STIP1: variants seen among roughly 807,000 people sequenced by gnomAD.
The protein encoded by STIP1 is stress-induced-phosphoprotein 1.
Under a neutral mutation model 77.4 loss-of-function variants are expected in STIP1, and 16 were observed. The observed-to-expected ratio is 0.21, with a 90% CI of 0.14 to 0.31. The LOEUF (loss-of-function observed/expected upper bound fraction) is 0.31, where lower values mean the gene tolerates loss of function less well. STIP1 is among the 10% of genes least tolerant of loss of function. The pLI, the probability that STIP1 is intolerant of heterozygous loss-of-function variation, is 1.00. For missense variants in STIP1, 524 were observed against 684.8 expected (o/e 0.77, Z 2.62); for synonymous variants, 258 against 246.6 (o/e 1.05, Z -0.44).
chr11:64,194,907 A>G (rs557437545), intron 4 of STIP1, among the ~76,000 whole-genome samples: 14 of 152,148 alleles, frequency 9.2e-5, no homozygotes, highest in African/African-American at 3.1e-4. Flanking sequence ...CTTAGGCCCT[A>G]CTTTCTCTGT....
intron 5 of STIP1, 27 bp downstream of exon 5, chr11:64,195,840 C>CA (rs753369784): frequency 1.2e-6 from 2 of 1,613,736 alleles, no homozygotes. Context: ...TCCTCACTGT[C>CA]ACCTATCTAT....
intron 10 of STIP1, among the ~76,000 whole-genome samples, chr11:64,200,532 G>GGT (rs759585589): frequency 1.6e-4 from 24 of 150,624 alleles, no homozygotes; most frequent in Middle Eastern, 3.2e-3. Context: ...GATTTATAGG[G>GGT]GTGTGTGTGT....
intron 4 of STIP1, among the ~76,000 whole-genome samples, chr11:64,194,976 G>A (rs916258952): frequency 1.3e-5 from 2 of 152,110 alleles, no homozygotes; most frequent in South Asian, 2.1e-4. Context: ...TCTAAATCTT[G>A]TACTGGTATT....
At chr11:64,187,693 G>A (rs1033254180) in intron 1 of STIP1, among the ~76,000 whole-genome samples, 1 of 152,186 alleles carries the variant, frequency 6.6e-6, no homozygotes, top group African/African-American at 2.4e-5. Flanking sequence ...ATAAGACGTT[G>A]CTCTTTTACC....
chr11:64,201,096 G>A (rs970651640), intron 10 of STIP1, among the ~76,000 whole-genome samples: 1 of 149,666 alleles, frequency 6.7e-6, no homozygotes, highest in Non-Finnish European at 1.5e-5. Context: ...CTGGAGTACA[G>A]TGGCACAATC....
chr11:64,188,761 G>C lies in STIP1; in HGVS notation c.9+2491G>C, dbSNP rs376111526. ...GTAGGTAGATGGTGAATGAATATTT[G>C]ACTTAGGACAGCAAACTGGCATGGC... is the stretch of plus-strand genomic sequence containing the variant. On this transcript the variant is annotated intron_variant, in intron 1 of 13. Coordinates refer to ENST00000305218, the MANE Select transcript of STIP1 (RefSeq NM_006819.3). Among the ~76,000 whole-genome samples the C allele has an allele frequency of 1.2e-4, 19 of 152,288 alleles. No individual in the cohort carries two copies. The East Asian group carries it at 2.3e-3, about 19-fold the overall frequency.
intron 8 of STIP1, 22 bp from the exon 9 acceptor site, chr11:64,199,918 T>C (rs780425291): frequency 1.9e-6 from 3 of 1,592,830 alleles, no homozygotes; most frequent in South Asian, 1.1e-5. Context: ...TAAATTATTA[T>C]TTCAAGAATT....
intron 1 of STIP1, 43 bp downstream of exon 1, chr11:64,186,313 GAC>G: frequency 1.4e-6 from 1 of 719,240 alleles, no homozygotes; most frequent in Non-Finnish European, 2.1e-6. Flanking sequence ...CCTGCTCGGG[GAC>G]CGGCGGTGGC....
chr11:64,186,266 A>C lies in STIP1; in HGVS notation c.5A>C (p.Glu2Ala). Residue 2 changes from glutamate (E) to alanine (A), a missense_variant, in exon 1 of 14, where the codon GAG (glutamate) becomes GCG (alanine). Coordinates refer to ENST00000305218, the MANE Select transcript of STIP1 (RefSeq NM_006819.3). ...GGTTCCGGACCGCGCTGCGCTATGG[A>C]GCAGGTGAAGGGGGAGGGGCGGGCT... M[E>A]QVNELKEKGN... 2 of 1,472,548 alleles carry C rather than the reference A, an allele frequency of 1.4e-6. No individual in the cohort carries two copies. The highest frequency in any genetic ancestry group is 1.8e-6 in the Non-Finnish European group (2 of 1,100,456). The allele number at this position is 1,472,548 out of a possible 1,614,324, so 91.2% of individuals were successfully genotyped here. A position where few individuals can be genotyped will look rare whatever the true frequency, so the allele number is the denominator to read the frequency against.
At chr11:64,185,655 G>T, upstream of STIP1, 1 of 912,924 alleles carries the variant, frequency 1.1e-6, no homozygotes, top group Non-Finnish European at 1.6e-6. Flanking sequence ...CAGAGGCCCC[G>T]CAGCCGCCGG....
chr11:64,186,230 C>A lies in STIP1; in HGVS notation c.-32C>A. 4 of 1,548,952 alleles carry A rather than the reference C, an allele frequency of 2.6e-6. No homozygotes were observed. The highest frequency in any genetic ancestry group is 3.5e-6 in the Non-Finnish European group (4 of 1,146,184). On this transcript the variant is annotated 5_prime_UTR_variant, in exon 1 of 14. Transcript: ENST00000305218. ...GTTGGGAACGCGGAGCGGACGGATT[C>A]GATTCAACGGGGTTCCGGACCGCGC...
chr11:64,203,126 C>G lies in STIP1; in HGVS notation c.1284C>G (p.Ile428Met), dbSNP rs756984535. ...ACGCGCCACCTTTCCTGTTTGTAGT[C>G]AAGGGTTATACACGGAAAGCCGCTG... Reference protein sequence around the residue: ...EECIQLEPTFIKGYTRKAAAL... With the variant: ...EECIQLEPTFMKGYTRKAAAL... The change falls in exon 12 of 14, where the codon ATC (isoleucine) becomes ATG (methionine). Residue 428 changes from isoleucine to methionine, a missense_variant and splice_region_variant. Physicochemically the swap from Ile to Met is conservative, Grantham distance 10. Coordinates refer to ENST00000305218, the MANE Select transcript of STIP1 (RefSeq NM_006819.3). The G allele has an allele frequency of 1.4e-5, 23 of 1,614,010 alleles. No individual in the cohort carries two copies. The highest frequency in any genetic ancestry group is 2.2e-5 in the East Asian group (1 of 44,890).
intron 1 of STIP1, among the ~76,000 whole-genome samples, chr11:64,189,214 A>C (rs1471329567): frequency 6.6e-6 from 1 of 152,186 alleles, no homozygotes; most frequent in Non-Finnish European, 1.5e-5. Context: ...TACAAAAATT[A>C]GCTGGATGTG....
chr11:64,201,446 T>C (rs373770897), intron 10 of STIP1, among the ~76,000 whole-genome samples: 18 of 152,354 alleles, frequency 1.2e-4, no homozygotes, highest in African/African-American at 3.8e-4. Flanking sequence ...CTCAGTCATA[T>C]CAAGTTAGGT....
chr11:64,198,016 T>A (rs2134800529), intron 8 of STIP1, 42 bp downstream of exon 8: 1 of 1,576,170 alleles, frequency 6.3e-7, no homozygotes, highest in East Asian at 2.2e-5. Flanking sequence ...GTTTTCCTAA[T>A]AATTGAGCCA....
Position 64,194,415 on chromosome 11 carries a change from G to A in STIP1, c.362-64G>A, listed in dbSNP as rs1946125603. ...CCCTGAGAAATGTCAGTCTGGTAGGGTATGGGACACAGTAATTCTAGTGAA... is the reference window on the plus strand; with the variant it reads ...CCCTGAGAAATGTCAGTCTGGTAGGATATGGGACACAGTAATTCTAGTGAA... On this transcript the variant is annotated intron_variant, in intron 3 of 13. Coordinates refer to ENST00000305218, the MANE Select transcript of STIP1 (RefSeq NM_006819.3). 17 of 1,612,220 alleles carry A rather than the reference G, an allele frequency of 1.1e-5. 1 individual carries two copies. Among genetic ancestry groups the A allele is most frequent in the Middle Eastern group, 1.7e-4 (1 of 6,052 alleles).
Position 64,194,230 on chromosome 11 carries a change from C to T in STIP1, c.261C>T (p.Arg87=), listed in dbSNP as rs758505393. Residue 87 remains arginine, a synonymous_variant, in exon 3 of 14, where the codon CGC becomes CGT. Coordinates refer to ENST00000305218, the MANE Select transcript of STIP1 (RefSeq NM_006819.3). ...CAGCAGCTCTAGAGTTCTTAAACCG[C>T]TTTGAAGAAGCCAAGCGAACCTATG... ...RKAAALEFLN[R]FEEAKRTYEE... is the part of the protein sequence containing the mutation. 1.2e-6 allele frequency: 2 copies of T among 1,614,164 alleles called. No individual in the cohort carries two copies. Among genetic ancestry groups the T allele is most frequent in the South Asian group, 1.1e-5 (1 of 91,078 alleles).
chr11:64,193,411 C>A, intron 2 of STIP1, 124 bp downstream of exon 2: 1 of 824,700 alleles, frequency 1.2e-6, no homozygotes, highest in Non-Finnish European at 2.0e-6. Flanking sequence ...GTTTGAGTAT[C>A]CTCCTCAGAA....
upstream of STIP1, chr11:64,185,849 G>A (rs1946006269): frequency 2.0e-6 from 3 of 1,536,172 alleles, no homozygotes; most frequent in South Asian, 1.2e-5. Context: ...CCCAATGGGA[G>A]AGGTGGAAAT....
Sources: gnomAD v4.1 joint callset for allele counts (sites outside exome capture counted in the v4.1 genomes callset) on GRCh38, gnomAD v4.1.1 for gene constraint, MANE v1.5 for transcripts, NCBI Gene and HGNC (gene_info 2026-07-23, HGNC 2026-07-21) for gene names.